The following C1QTNF7 variants were observed in gnomAD, a reference collection of about 807,000 sequenced individuals.
C1QTNF7 encodes complement C1q tumor necrosis factor-related protein 7.
C1QTNF7 carries 15 observed loss-of-function variants against 19.6 expected under a neutral mutation model. The ratio of observed to expected loss-of-function variants is 0.76; its 90% CI spans 0.51 to 1.18. The LOEUF is 1.18. C1QTNF7 is among the 50% of genes most tolerant of loss of function. The probability of loss-of-function intolerance (pLI) is 0.00; values close to 1 mark genes in which losing one functional copy is unlikely to be tolerated. For missense variants in C1QTNF7, 324 were observed against 359.7 expected (o/e 0.90, Z 0.80); for synonymous variants, 142 against 137.5 (o/e 1.03, Z -0.23).
intron 1 of C1QTNF7, among the ~76,000 whole-genome samples, chr4:15,369,085 G>A (rs559870831): frequency 6.6e-6 from 1 of 152,356 alleles, no homozygotes; most frequent in East Asian, 1.9e-4. Flanking sequence ...AAGGGACAAA[G>A]AACATGTCAT....
chr4:15,348,300 C>T (rs1183894775), intron 1 of C1QTNF7, among the ~76,000 whole-genome samples: 1 of 152,118 alleles, frequency 6.6e-6, no homozygotes, highest in Admixed American at 6.5e-5. Flanking sequence ...AAAGTATTTC[C>T]ACAATGCTGT....
At chr4:15,422,969 A>G (rs1028317246) in intron 1 of C1QTNF7, among the ~76,000 whole-genome samples, 1 of 152,146 alleles carries the variant, frequency 6.6e-6, no homozygotes, top group Non-Finnish European at 1.5e-5. Flanking sequence ...TATTTTGGAC[A>G]AGGTAAAGTA....
At chr4:15,397,151 C>T (rs1474620387) in intron 1 of C1QTNF7, among the ~76,000 whole-genome samples, 2 of 152,288 alleles carry the variant, frequency 1.3e-5, no homozygotes, top group Admixed American at 6.5e-5. Flanking sequence ...AAACCGCCCC[C>T]GTGATTCCAC....
At chr4:15,432,816 T>C (rs111937640) in intron 1 of C1QTNF7, among the ~76,000 whole-genome samples, 1,804 of 152,354 alleles carry the variant, frequency 0.012, 40 homozygotes, top group African/African-American at 0.041. Context: ...TCTTCCGCAC[T>C]TGTCATAAAA....
chr4:15,363,456 C>A (rs1038092231), intron 1 of C1QTNF7, among the ~76,000 whole-genome samples: 2 of 152,160 alleles, frequency 1.3e-5, no homozygotes, highest in Non-Finnish European at 2.9e-5. Flanking sequence ...TACCTCAATG[C>A]CATGACTGCA....
intron 1 of C1QTNF7, among the ~76,000 whole-genome samples, chr4:15,432,877 C>G (rs1712376679): frequency 6.6e-6 from 1 of 152,158 alleles, no homozygotes; most frequent in South Asian, 2.1e-4. Flanking sequence ...TTAATTTATT[C>G]CTTGAGTTCC....
chr4:15,438,948 T>C (rs1293654724), intron 2 of C1QTNF7, among the ~76,000 whole-genome samples: 1 of 152,174 alleles, frequency 6.6e-6, no homozygotes, highest in African/African-American at 2.4e-5. Context: ...GATGGAAGGA[T>C]AGAATGAATG....
intron 2 of C1QTNF7, among the ~76,000 whole-genome samples, chr4:15,441,505 G>A (rs1463795500): frequency 1.3e-5 from 2 of 151,996 alleles, no homozygotes; most frequent in Non-Finnish European, 2.9e-5. Flanking sequence ...TGCCCCTCTG[G>A]GCCCACTCTG....
At chr4:15,434,446 C>A (rs1040541192) in intron 1 of C1QTNF7, among the ~76,000 whole-genome samples, 1 of 152,158 alleles carries the variant, frequency 6.6e-6, no homozygotes, top group African/African-American at 2.4e-5. Flanking sequence ...AAAGAAATTT[C>A]ATCTGATTGC....
chr4:15,403,877 T>C (rs1176280689), intron 1 of C1QTNF7, among the ~76,000 whole-genome samples: 3 of 152,176 alleles, frequency 2.0e-5, no homozygotes, highest in Non-Finnish European at 4.4e-5. Flanking sequence ...TATTATGAAA[T>C]GATATAAAAT....
chr4:15,416,418 T>C (rs1009238829), intron 1 of C1QTNF7, among the ~76,000 whole-genome samples: 3 of 152,180 alleles, frequency 2.0e-5, no homozygotes, highest in Non-Finnish European at 4.4e-5. Context: ...TGTTCCTCAT[T>C]TGAGATTCCA....
chr4:15,369,894 A>G (rs1359844412), intron 1 of C1QTNF7, among the ~76,000 whole-genome samples: 3 of 152,254 alleles, frequency 2.0e-5, no homozygotes, highest in African/African-American at 7.2e-5. Flanking sequence ...CATTCAGTTA[A>G]GAAAATAGCA....
At chr4:15,380,520 C>T (rs904081424) in intron 1 of C1QTNF7, among the ~76,000 whole-genome samples, 2 of 152,224 alleles carry the variant, frequency 1.3e-5, no homozygotes, top group Admixed American at 6.5e-5. Context: ...AGAAGGGAAG[C>T]CTTCCTCCAA....
intron 1 of C1QTNF7, among the ~76,000 whole-genome samples, chr4:15,350,423 T>A (rs1716896819): frequency 1.9e-5 from 1 of 51,406 alleles, no homozygotes; most frequent in South Asian, 6.3e-4. Context: ...TCTTTCCCTG[T>A]AAAGTTACTC....
intron 2 of C1QTNF7, among the ~76,000 whole-genome samples, chr4:15,438,206 A>G (rs902804186): frequency 1.3e-5 from 2 of 152,198 alleles, no homozygotes; most frequent in Non-Finnish European, 2.9e-5. Context: ...AAACAAAATG[A>G]CTTTCCTAAC....
chr4:15,367,575 G>T (rs1172414751), intron 1 of C1QTNF7, among the ~76,000 whole-genome samples: 2 of 152,180 alleles, frequency 1.3e-5, no homozygotes, highest in East Asian at 3.8e-4. Context: ...CTGATCCCCA[G>T]ATCATGTATT....
chr4:15,425,444 G>A (rs1389370471), upstream of C1QTNF7, among the ~76,000 whole-genome samples: 1 of 152,184 alleles, frequency 6.6e-6, no homozygotes, highest in Non-Finnish European at 1.5e-5. Flanking sequence ...GGGAGACATG[G>A]TTGGTAATGG....
intron 1 of C1QTNF7, among the ~76,000 whole-genome samples, chr4:15,340,748 T>G (rs1015552475): frequency 1.1e-4 from 17 of 152,202 alleles, no homozygotes; most frequent in African/African-American, 4.1e-4. Flanking sequence ...CCCTTGTAAT[T>G]GACACGGGAG....
At chr4:15,358,793 G>C (rs1018089350) in intron 1 of C1QTNF7, 6 of 152,250 alleles carry the variant, frequency 3.9e-5, no homozygotes, top group Non-Finnish European at 8.8e-5. Context: ...AAAACGTGCA[G>C]AGGAGACAAA....
Sources: gnomAD v4.1 joint callset for allele counts (sites outside exome capture counted in the v4.1 genomes callset) on GRCh38, gnomAD v4.1.1 for gene constraint, MANE v1.5 for transcripts, NCBI Gene and HGNC (gene_info 2026-07-23, HGNC 2026-07-21) for gene names.